SCLT1: variants seen among roughly 807,000 people sequenced by gnomAD.
SCLT1 encodes the protein sodium channel and clathrin linker 1, also known as sodium channel-associated protein 1.
In SCLT1, 78 loss-of-function variants were observed where a neutral mutation model predicts 112.8. The observed-to-expected ratio is 0.69, with a 90% CI of 0.58 to 0.83. SCLT1 has a LOEUF of 0.83. SCLT1 is among the 40% of genes least tolerant of loss of function. The pLI, the probability that SCLT1 is intolerant of heterozygous loss-of-function variation, is 0.00. For missense variants in SCLT1, 747 were observed against 770.4 expected (o/e 0.97, Z 0.36); for synonymous variants, 257 against 254.7 (o/e 1.01, Z -0.09).
chr4:129,053,808 G>A (rs1003515345), intron 2 of SCLT1, among the ~76,000 whole-genome samples: 1 of 151,854 alleles, frequency 6.6e-6, no homozygotes, highest in African/African-American at 2.4e-5. Context: ...GATGCTAGCT[G>A]GTTATTTTGC....
chr4:129,036,689 GA>G (rs1322433030), intron 5 of SCLT1: 2 of 151,730 alleles, frequency 1.3e-5, no homozygotes, highest in Admixed American at 6.6e-5. Flanking sequence ...AAAACTAATG[GA>G]AAATACAAGG....
chr4:129,004,504 A>T (rs1553985531), intron 5 of SCLT1, among the ~76,000 whole-genome samples: 1 of 151,978 alleles, frequency 6.6e-6, no homozygotes, highest in Non-Finnish European at 1.5e-5. Context: ...CTTAACTACA[A>T]AAAAAAGCAA....
At chr4:128,977,430 G>A (rs1741274288) in intron 9 of SCLT1, among the ~76,000 whole-genome samples, 1 of 152,156 alleles carries the variant, frequency 6.6e-6, no homozygotes, top group Non-Finnish European at 1.5e-5. Context: ...TGGTAAACAA[G>A]GAAGACAAAG....
At chr4:128,909,066 C>T (rs1183542550) in intron 18 of SCLT1, among the ~76,000 whole-genome samples, 1 of 152,168 alleles carries the variant, frequency 6.6e-6, no homozygotes, top group African/African-American at 2.4e-5. Context: ...TTCAAACATA[C>T]TGATTGTATT....
chr4:128,907,642 C>G (rs887697345), intron 18 of SCLT1, among the ~76,000 whole-genome samples: 5 of 152,144 alleles, frequency 3.3e-5, no homozygotes, highest in African/African-American at 1.2e-4. Flanking sequence ...GTTGGAAATA[C>G]AGACTATTTC....
chr4:128,936,353 A>T (rs549442764), intron 18 of SCLT1, among the ~76,000 whole-genome samples: 33 of 152,252 alleles, frequency 2.2e-4, no homozygotes, highest in African/African-American at 7.7e-4. Flanking sequence ...TTTTTTTTCA[A>T]GGGCCAGAGA....
intron 9 of SCLT1, among the ~76,000 whole-genome samples, chr4:128,983,368 A>G (rs749735481): frequency 6.6e-6 from 1 of 152,220 alleles, no homozygotes; most frequent in African/African-American, 2.4e-5. Context: ...AAATAAATGT[A>G]TAAGACAAAA....
intron 3 of SCLT1, chr4:128,876,716 T>G (rs1221307306): frequency 6.6e-6 from 1 of 152,242 alleles, no homozygotes; most frequent in Non-Finnish European, 1.5e-5. Context: ...TACTACTTAC[T>G]CAGTTTGGTA....
chr4:128,886,035 T>C (rs1315440328), intron 20 of SCLT1, among the ~76,000 whole-genome samples: 3 of 152,202 alleles, frequency 2.0e-5, no homozygotes, highest in Non-Finnish European at 4.4e-5. Context: ...CAAATATTTT[T>C]CTCGGTTTGT....
chr4:128,888,187 T>C (rs1424165139), intron 20 of SCLT1, among the ~76,000 whole-genome samples: 1 of 151,898 alleles, frequency 6.6e-6, no homozygotes, highest in Non-Finnish European at 1.5e-5. Context: ...AGGCTATGAT[T>C]GTTAGACAGT....
In SCLT1 at chr4:129,048,896, C is replaced by T. The variant is rs529466005; in HGVS notation, c.103-4845G>A. Reference sequence around the variant, plus strand: ...ATGAAAAAATGCTCATCATCACTGGCCATCAGAGAAATGCAAATCAAAACC... The same window carrying T: ...ATGAAAAAATGCTCATCATCACTGGTCATCAGAGAAATGCAAATCAAAACC... On this transcript the variant is annotated intron_variant, in intron 2 of 20. Transcript: ENST00000281142. Among the ~76,000 whole-genome samples the T allele has an allele frequency of 4.8e-3, 728 of 152,104 alleles. 6 individuals are homozygous for T. The highest frequency in any genetic ancestry group is 0.017 in the African/African-American group (687 of 41,506).
intron 9 of SCLT1, among the ~76,000 whole-genome samples, chr4:128,987,877 C>T (rs1331811388): frequency 6.6e-6 from 1 of 152,048 alleles, no homozygotes; most frequent in Non-Finnish European, 1.5e-5. Context: ...AAGACTACTT[C>T]AGGACATACA....
In SCLT1 at chr4:128,999,688, T is replaced by C. The variant is rs1395493008; in HGVS notation, c.533A>G (p.Glu178Gly). 5 of 1,599,840 alleles carry C rather than the reference T, an allele frequency of 3.1e-6. No homozygotes were observed. Among genetic ancestry groups the C allele is most frequent in the Non-Finnish European group, 4.3e-6 (5 of 1,172,032 alleles). The change falls in exon 7 of 21, where the codon GAA becomes GGA. Residue 178 changes from glutamate to glycine, a missense_variant. Glu to Gly is a moderately conservative substitution (Grantham distance 98). Transcript: ENST00000281142. ...HMTEAQIHVFESQKQKDQLFD... is the reference protein window; with the variant it reads ...HMTEAQIHVFGSQKQKDQLFD... Reference sequence around the variant, plus strand: ...CAAGATTACCTTTTGTTTTTGACTTTCAAATACATGAATCTGGGCCTCAGT... The same window carrying C: ...CAAGATTACCTTTTGTTTTTGACTTCCAAATACATGAATCTGGGCCTCAGT...
At position 128,996,426 on chromosome 4, in the gene SCLT1, C is replaced by T. The variant is rs139257269; in HGVS notation, c.615+1448G>A. Among the ~76,000 whole-genome samples, 1,192 of 152,104 alleles carry T rather than the reference C, an allele frequency of 7.8e-3. 14 individuals are homozygous for T. Among genetic ancestry groups the T allele is most frequent in the African/African-American group, 0.027 (1,126 of 41,514 alleles). ...AATCTATTCATTTAATGAGTTTATT[C>T]GTGTAATCAGAAAATTTTTTGTTGG... On this transcript the variant is annotated intron_variant, in intron 8 of 20. Transcript: ENST00000281142.
chr4:128,936,816 T>G lies in SCLT1; in HGVS notation c.1668A>C (p.Glu556Asp). Residue 556 changes from glutamate to aspartate, a missense_variant, in exon 18 of 21, where the codon GAA becomes GAC. This residue lies in a region of SCLT1 where 723 missense variants were observed against 721.3 expected (regional missense o/e 1.00). Coordinates refer to ENST00000281142, the MANE Select transcript of SCLT1 (RefSeq NM_144643.4). ...STMEHEFSIK[E>D]RGFEVQLREM... ...CTCTCAATTGAACTTCAAATCCACG[T>G]TCCTTTATTGAAAATTCATGTTCCA... 1 of 1,593,166 alleles carries G rather than the reference T, an allele frequency of 6.3e-7. No homozygotes were observed. The highest frequency in any genetic ancestry group is 1.8e-5 in the Admixed American group (1 of 57,108).
chr4:128,969,115 T>C (rs1740452301), intron 10 of SCLT1, among the ~76,000 whole-genome samples: 1 of 152,162 alleles, frequency 6.6e-6, no homozygotes, highest in Non-Finnish European at 1.5e-5. Context: ...AGTAAATTTC[T>C]CTTAGGTCTC....
chr4:129,092,452 TTAA>T (rs754450050), intron 1 of SCLT1, among the ~76,000 whole-genome samples: 11 of 152,218 alleles, frequency 7.2e-5, no homozygotes, highest in Admixed American at 2.6e-4. Context: ...TGAACATATT[TTAA>T]TAATAATCGT....
At chr4:129,093,006 T>A in intron 1 of SCLT1, 64 bp downstream of exon 1, 1 of 1,202,538 alleles carries the variant, frequency 8.3e-7, no homozygotes, top group Non-Finnish European at 1.2e-6. Flanking sequence ...CAAAAAAGAT[T>A]TGTCGGTCAA....
At chr4:128,910,423 T>TTG (rs1735003862) in intron 18 of SCLT1, among the ~76,000 whole-genome samples, 1 of 152,236 alleles carries the variant, frequency 6.6e-6, no homozygotes, top group Non-Finnish European at 1.5e-5. Flanking sequence ...AACCACTGAG[T>TTG]TCACATACTT....
Sources: gnomAD v4.1 joint callset for allele counts (sites outside exome capture counted in the v4.1 genomes callset) on GRCh38, gnomAD v4.1.1 for gene constraint, gnomAD v4.1.1 regional missense constraint, MANE v1.5 for transcripts, NCBI Gene and HGNC (gene_info 2026-07-23, HGNC 2026-07-21) for gene names.